The following TSC22D1 variants were observed in gnomAD, a reference collection of about 807,000 sequenced individuals.
TSC22D1 encodes TSC22 domain family protein 1.
In TSC22D1, 9 loss-of-function variants were observed where a neutral mutation model predicts 74.2. The ratio of observed to expected loss-of-function variants is 0.12; its 90% CI spans 0.07 to 0.21. TSC22D1 has a LOEUF of 0.21. Among genes scored for constraint, TSC22D1 ranks in the 10% least tolerant of loss-of-function variants. The probability of loss-of-function intolerance (pLI) is 1.00; values close to 1 mark genes in which losing one functional copy is unlikely to be tolerated. For synonymous variants in TSC22D1, 586 were observed against 492.5 expected (o/e 1.19, Z -2.51); for missense variants, 1,427 against 1,304.7 (o/e 1.09, Z -1.44).
chr13:44,510,418 C>G (rs1250196496), intron 1 of TSC22D1, among the ~76,000 whole-genome samples: 1 of 151,726 alleles, frequency 6.6e-6, no homozygotes, highest in Non-Finnish European at 1.5e-5. Flanking sequence ...AATGTTCATA[C>G]TCTTCGGCCC....
intron 1 of TSC22D1, among the ~76,000 whole-genome samples, chr13:44,498,045 C>G (rs1421084693): frequency 6.6e-6 from 1 of 151,266 alleles, no homozygotes; most frequent in Non-Finnish European, 1.5e-5. Context: ...TGTAGTCTTC[C>G]TACTTCCAAG....
At chr13:44,475,732 G>A (rs1367857570) in intron 1 of TSC22D1, among the ~76,000 whole-genome samples, 1 of 152,162 alleles carries the variant, frequency 6.6e-6, no homozygotes, top group East Asian at 1.9e-4. Flanking sequence ...CTGAAACAAA[G>A]AGATATAAAG....
intron 1 of TSC22D1, among the ~76,000 whole-genome samples, chr13:44,519,498 C>G (rs1880208416): frequency 6.6e-6 from 1 of 152,064 alleles, no homozygotes; most frequent in South Asian, 2.1e-4. Context: ...CTCACCTATT[C>G]AAGAACATCA....
At chr13:44,514,557 A>G (rs997180854) in intron 1 of TSC22D1, among the ~76,000 whole-genome samples, 1 of 152,066 alleles carries the variant, frequency 6.6e-6, no homozygotes, top group Non-Finnish European at 1.5e-5. Context: ...GGAAACACAA[A>G]TATTTATAAA....
intron 1 of TSC22D1, among the ~76,000 whole-genome samples, chr13:44,487,360 G>A (rs1420319119): frequency 4.6e-5 from 7 of 151,392 alleles, no homozygotes; most frequent in African/African-American, 1.5e-4. Flanking sequence ...TTAGCTGGGC[G>A]TGGTGATGCA....
chr13:44,545,905 A>T (rs1881792442), intron 1 of TSC22D1, among the ~76,000 whole-genome samples: 5 of 152,082 alleles, frequency 3.3e-5, no homozygotes, highest in African/African-American at 9.7e-5. Context: ...TGAATCCAGC[A>T]GGCAAAGGTT....
intron 1 of TSC22D1, among the ~76,000 whole-genome samples, chr13:44,483,400 G>A (rs1595109217): frequency 6.6e-6 from 1 of 152,204 alleles, no homozygotes; most frequent in African/African-American, 2.4e-5. Flanking sequence ...GGTGGCTCAA[G>A]CCTGTAATCC....
chr13:44,464,715 G>A (rs1877173084), intron 1 of TSC22D1, among the ~76,000 whole-genome samples: 1 of 152,188 alleles, frequency 6.6e-6, no homozygotes, highest in African/African-American at 2.4e-5. Context: ...ATAGCAGCAG[G>A]AAGAATCTTT....
At position 44,476,494 on chromosome 13, in the gene TSC22D1, A is replaced by C. The variant is rs374392313; in HGVS notation, c.2913-40399T>G. ...GATGTGCTCTATTTTAAAAAAAGAAAGTTATCAAGAGTGCCCATAAACTGC... is the reference window on the plus strand; with the variant it reads ...GATGTGCTCTATTTTAAAAAAAGAACGTTATCAAGAGTGCCCATAAACTGC... On this transcript the variant is annotated intron_variant, in intron 1 of 2. Transcript: ENST00000458659. 1.6e-4 allele frequency among the ~76,000 whole-genome samples: 24 copies of C among 152,286 alleles called. No individual in the cohort carries two copies. In the East Asian group the frequency reaches 1.9e-3, roughly 12 times the overall value.
chr13:44,483,667 CAAAA>C (rs36015133), intron 1 of TSC22D1, among the ~76,000 whole-genome samples: 1 of 64,070 alleles, frequency 1.6e-5, no homozygotes, highest in Non-Finnish European at 3.2e-5. Flanking sequence ...GACTCCGTCT[CAAAA>C]AAAAAAAAAA....
intron 1 of TSC22D1, among the ~76,000 whole-genome samples, chr13:44,482,380 C>CA (rs1016100753): frequency 9.9e-5 from 15 of 150,988 alleles, no homozygotes; most frequent in African/African-American, 2.9e-4. Flanking sequence ...ACTAAAAATA[C>CA]AAAAAAAAAT....
At chr13:44,519,100 A>G (rs1285256461) in intron 1 of TSC22D1, among the ~76,000 whole-genome samples, 1 of 152,194 alleles carries the variant, frequency 6.6e-6, no homozygotes, top group African/African-American at 2.4e-5. Context: ...ATTATAGAAA[A>G]GCAAGGGGCT....
chr13:44,433,613 A>T lies in TSC22D1; in HGVS notation c.*1013T>A, dbSNP rs1471846291. ...CAATTGTGTAGAGAACATGCACAGA[A>T]ACATATGCATATAACTACTATACAG... On this transcript the variant is annotated 3_prime_UTR_variant, in exon 3 of 3. Transcript: ENST00000458659. 10 of 193,808 alleles carry T rather than the reference A, an allele frequency of 5.2e-5. No individual in the cohort carries two copies. The allele number at this position is 193,808 out of a possible 1,614,324, so 12.0% of individuals were successfully genotyped here.
chr13:44,545,284 G>T (rs932983031), intron 1 of TSC22D1, among the ~76,000 whole-genome samples: 3 of 151,358 alleles, frequency 2.0e-5, no homozygotes, highest in Admixed American at 2.0e-4. Context: ...GCAATGAGCC[G>T]AGATCACACC....
At chr13:44,555,587 C>A (rs1459231544) in intron 1 of TSC22D1, among the ~76,000 whole-genome samples, 1 of 151,568 alleles carries the variant, frequency 6.6e-6, no homozygotes, top group East Asian at 1.9e-4. Flanking sequence ...ACTTGGGCGA[C>A]AGCAAAAGAC....
chr13:44,460,088 C>T (rs1054139522), intron 1 of TSC22D1, among the ~76,000 whole-genome samples: 4 of 152,186 alleles, frequency 2.6e-5, no homozygotes, highest in African/African-American at 9.7e-5. Context: ...CCCCAAGGAT[C>T]CTGTGACAAT....
intron 1 of TSC22D1, among the ~76,000 whole-genome samples, chr13:44,544,451 G>T (rs1240346359): frequency 6.7e-6 from 1 of 149,574 alleles, no homozygotes; most frequent in African/African-American, 2.5e-5. Flanking sequence ...CATAAATCTT[G>T]TGTGTATTAT....
intron 1 of TSC22D1, chr13:44,437,231 C>T: frequency 1.0e-6 from 1 of 985,542 alleles, no homozygotes; most frequent in Non-Finnish European, 1.2e-6. Flanking sequence ...TGCTTAACGG[C>T]GAAAGCTTCC....
chr13:44,539,678 ACC>A (rs1475872468), intron 1 of TSC22D1: 1 of 1,165,692 alleles, frequency 8.6e-7, no homozygotes, highest in African/African-American at 1.6e-5. Flanking sequence ...TCTTAAATGA[ACC>A]CAAGGAGTTT....
Sources: allele counts gnomAD v4.1 joint callset (sites outside exome capture counted in the v4.1 genomes callset), GRCh38; gene constraint gnomAD v4.1.1; transcripts MANE v1.5; gene names NCBI Gene and HGNC (gene_info 2026-07-23, HGNC 2026-07-21).